CC2D2A: variants seen among roughly 807,000 people sequenced by gnomAD.
The protein encoded by CC2D2A is coiled-coil and C2 domain-containing protein 2A.
A neutral mutation model predicts 212.9 loss-of-function variants in CC2D2A; 155 were observed. That is an observed-to-expected ratio of 0.73 (90% CI 0.64 to 0.83). The LOEUF is 0.83. CC2D2A is among the 40% of genes least tolerant of loss of function. The pLI is 0.00. For missense variants in CC2D2A, 1,856 were observed against 1,956.2 expected (o/e 0.95, Z 0.97); for synonymous variants, 667 against 686.5 (o/e 0.97, Z 0.44).
chr4:15,572,962 AG>A (rs896281298), intron 28 of CC2D2A, among the ~76,000 whole-genome samples: 3 of 152,148 alleles, frequency 2.0e-5, no homozygotes, highest in Admixed American at 6.5e-5. Flanking sequence ...AGAAAGATGA[AG>A]GGGGGAAGAC....
At chr4:15,521,564 G>T (rs1717206189) in intron 11 of CC2D2A, among the ~76,000 whole-genome samples, 1 of 152,058 alleles carries the variant, frequency 6.6e-6, no homozygotes, top group Non-Finnish European at 1.5e-5. Context: ...CTGGCATGAT[G>T]CAAGAGCAAG....
In CC2D2A at chr4:15,569,370, T is replaced by C. The variant is rs1394356594; in HGVS notation, c.3476T>C (p.Val1159Ala). 2 of 1,568,268 alleles carry C rather than the reference T, an allele frequency of 1.3e-6. No individual in the cohort carries two copies. Among genetic ancestry groups the C allele is most frequent in the Admixed American group, 3.7e-5 (2 of 54,174 alleles). ...GTGTTCATTAACATTTTTGATGAAG[T>C]ACTGCATGATGTCTTAGAGGTAAGT... ...DVVFINIFDE[V>A]LHDVLEDDRE... The change falls in exon 27 of 37, where the codon GTA (valine) becomes GCA (alanine). Residue 1159 changes from valine (V) to alanine (A), a missense_variant. By Grantham distance (64) the Val-to-Ala change is moderately conservative. Transcript: ENST00000424120.
chr4:15,569,781 A>G (rs994238616), intron 27 of CC2D2A, among the ~76,000 whole-genome samples: 2 of 152,258 alleles, frequency 1.3e-5, no homozygotes, highest in South Asian at 4.1e-4. Flanking sequence ...TATTTAAAGC[A>G]AAATTAGGAA....
At chr4:15,536,009 T>A (rs1301460918) in intron 14 of CC2D2A, among the ~76,000 whole-genome samples, 1 of 152,146 alleles carries the variant, frequency 6.6e-6, no homozygotes, top group African/African-American at 2.4e-5. Flanking sequence ...TAATCCAGTG[T>A]TAATATGGCC....
chr4:15,514,000 A>G (rs1353220496), intron 8 of CC2D2A, among the ~76,000 whole-genome samples: 2 of 152,230 alleles, frequency 1.3e-5, no homozygotes, highest in African/African-American at 4.8e-5. Flanking sequence ...AATTTTTAAA[A>G]GAAGGAGAAG....
In CC2D2A at chr4:15,601,461, T is replaced by G. The variant is rs1010578102; in HGVS notation, c.*36T>G. 8 of 1,308,302 alleles carry G rather than the reference T, an allele frequency of 6.1e-6. No individual in the cohort carries two copies. Among genetic ancestry groups the G allele is most frequent in the South Asian group, 1.9e-5 (1 of 52,286 alleles). 81.0% of individuals were successfully genotyped at this position (1,308,302 alleles called of 1,614,324 possible). A position where few individuals can be genotyped will look rare whatever the true frequency, so the allele number is the denominator to read the frequency against. On this transcript the variant is annotated 3_prime_UTR_variant, in exon 37 of 37. Transcript: ENST00000424120. The stretch of plus-strand genomic sequence containing the variant: ...TGTACTTTCTGTATCATGTAAAAAC[T>G]ACACTTAGGATATGAGAAAATTTTA...
chr4:15,601,150 C>CTTA lies in CC2D2A; in HGVS notation c.4675-85_4675-83dup, dbSNP rs10636888. On this transcript the variant is annotated intron_variant, in intron 36 of 36. Transcript: ENST00000424120. Reference sequence around the variant, plus strand: ...AAGCAAATAACTGAGATCCAGAACACTTATCTTAATTGCATACATTTACGT... The same window carrying CTTA: ...AAGCAAATAACTGAGATCCAGAACACTTATTATCTTAATTGCATACATTTACGT... The CTTA allele has an allele frequency of 0.89, 899,652 of 1,007,752 alleles. 397,091 individuals carry two copies. Among genetic ancestry groups the CTTA allele is most frequent in the East Asian group, 0.97 (37,656 of 38,766 alleles). 62.4% of individuals were successfully genotyped at this position (1,007,752 alleles called of 1,614,324 possible). A position where few individuals can be genotyped will look rare whatever the true frequency, so the allele number is the denominator to read the frequency against.
intron 22 of CC2D2A, among the ~76,000 whole-genome samples, chr4:15,559,524 T>C (rs1408573724): frequency 6.6e-6 from 1 of 152,222 alleles, no homozygotes; most frequent in Non-Finnish European, 1.5e-5. Context: ...CTAAGTCATG[T>C]TTTTTCTAAT....
At chr4:15,524,228 G>A (rs1264919903) in intron 11 of CC2D2A, among the ~76,000 whole-genome samples, 1 of 151,884 alleles carries the variant, frequency 6.6e-6, no homozygotes, top group Non-Finnish European at 1.5e-5. Flanking sequence ...CCGCCTCCTG[G>A]GTTCAAGCAA....
chr4:15,574,270 AC>A lies in CC2D2A; in HGVS notation c.3718del (p.Leu1240SerfsTer40), dbSNP rs1442052431. Reference protein sequence around the residue: ...VRSLSEGSYITLFITIEPQLV... With the variant: ...VRSLSEGSYIXLFITIEPQLV... ...AAGCTTAAGTGAAGGCTCCTACATTACCCTCTTTATTACCATTGAGCCCCAG... is the reference window on the plus strand; with the variant it reads ...AAGCTTAAGTGAAGGCTCCTACATTACCTCTTTATTACCATTGAGCCCCAG... On this transcript the variant is annotated frameshift_variant, in exon 29 of 37. Coordinates refer to ENST00000424120, the MANE Select transcript of CC2D2A (RefSeq NM_001378615.1). LOFTEE classifies it high-confidence loss of function. The A allele has an allele frequency of 6.4e-7, 1 of 1,551,502 alleles. No individual in the cohort carries two copies. Among genetic ancestry groups the A allele is most frequent in the Non-Finnish European group, 8.7e-7 (1 of 1,146,882 alleles).
At chr4:15,476,061 C>A in intron 2 of CC2D2A, 90 bp downstream of exon 2, 2 of 1,064,800 alleles carry the variant, frequency 1.9e-6, no homozygotes, top group East Asian at 2.6e-5. Flanking sequence ...TTAGGCCAAC[C>A]AGCATCTATT....
At chr4:15,552,599 T>G (rs1196643370) in intron 18 of CC2D2A, among the ~76,000 whole-genome samples, 1 of 152,200 alleles carries the variant, frequency 6.6e-6, no homozygotes, top group African/African-American at 2.4e-5. Flanking sequence ...TCTAACATAC[T>G]AAGTATTTCT....
In CC2D2A at chr4:15,538,119, C is replaced by A; in HGVS notation, c.1985C>A (p.Pro662His). ...PELSLAGSVT[P>H]NDQCPRAEVS... Reference sequence around the variant, plus strand: ...CTAAGCCTGGCAGGAAGCGTAACACCCAATGACCAGTGCCCCAGGTGAGTG... The same window carrying A: ...CTAAGCCTGGCAGGAAGCGTAACACACAATGACCAGTGCCCCAGGTGAGTG... The change falls in exon 16 of 37, where the codon CCC (proline) becomes CAC (histidine). Residue 662 changes from proline to histidine, a missense_variant. Pro to His is a moderately conservative substitution (Grantham distance 77, BLOSUM62 -2). Coordinates refer to ENST00000424120, the MANE Select transcript of CC2D2A (RefSeq NM_001378615.1). 4 of 1,587,262 alleles carry A rather than the reference C, an allele frequency of 2.5e-6. No individual in the cohort carries two copies. The highest frequency in any genetic ancestry group is 3.4e-6 in the Non-Finnish European group (4 of 1,165,232).
At chr4:15,600,097 C>A (rs1460791924) in intron 36 of CC2D2A, among the ~76,000 whole-genome samples, 1 of 152,132 alleles carries the variant, frequency 6.6e-6, no homozygotes, top group Non-Finnish European at 1.5e-5. Context: ...ACGATATACC[C>A]TCTTTACTGC....
intron 5 of CC2D2A, 84 bp downstream of exon 5, chr4:15,502,601 TGCATGG>T (rs1655903583): frequency 2.9e-5 from 36 of 1,229,010 alleles, no homozygotes; most frequent in Non-Finnish European, 4.0e-5. Context: ...TGCTCCAAAC[TGCATGG>T]ATTTGAATAC....
rs781021291 is a variant in CC2D2A, at chr4:15,567,494, T to C, written c.3288+12T>C. The C allele has an allele frequency of 1.3e-5, 21 of 1,605,958 alleles. No individual in the cohort carries two copies. Among genetic ancestry groups the C allele is most frequent in the Non-Finnish European group, 1.8e-5 (21 of 1,174,520 alleles). On this transcript the variant is annotated intron_variant, in intron 25 of 36. Coordinates refer to ENST00000424120, the MANE Select transcript of CC2D2A (RefSeq NM_001378615.1). ...ACCCCCTCGGCCAGGTGAGAGATGC[T>C]GGACTTCAGCTTTCCACCTTGCCCC...
At chr4:15,523,180 GTCCT>G (rs144700300) in intron 11 of CC2D2A, among the ~76,000 whole-genome samples, 3,234 of 149,278 alleles carry the variant, frequency 0.022, 107 homozygotes, top group African/African-American at 0.074. Context: ...TCTTTCCTTT[GTCCT>G]TCCTTCCTTC....
intron 13 of CC2D2A, 28 bp downstream of exon 13, chr4:15,528,754 C>T (rs202067042): frequency 6.6e-7 from 1 of 1,510,364 alleles, no homozygotes; most frequent in East Asian, 2.3e-5. Context: ...AGTGTAACTA[C>T]TTTTTTTCCC....
chr4:15,491,046 G>A (rs984081214), intron 4 of CC2D2A, among the ~76,000 whole-genome samples: 2 of 152,086 alleles, frequency 1.3e-5, no homozygotes, highest in East Asian at 1.9e-4. Flanking sequence ...CGAAGCTCCC[G>A]GCCGAATAAA....
Sources: allele counts gnomAD v4.1 joint callset (sites outside exome capture counted in the v4.1 genomes callset), GRCh38; gene constraint gnomAD v4.1.1; transcripts MANE v1.5; gene names NCBI Gene and HGNC (gene_info 2026-07-23, HGNC 2026-07-21).